GLIS3: variants seen among roughly 807,000 people sequenced by gnomAD.
The protein encoded by GLIS3 is GLIS family zinc finger 3.
In GLIS3, 53 loss-of-function variants were observed where a neutral mutation model predicts 78.6. The ratio of observed to expected loss-of-function variants is 0.67; its 90% CI spans 0.54 to 0.85. The LOEUF (loss-of-function observed/expected upper bound fraction) is 0.85, where lower values mean the gene tolerates loss of function less well. GLIS3 is among the 40% of genes least tolerant of loss of function. The pLI, the probability that GLIS3 is intolerant of heterozygous loss-of-function variation, is 0.00. For missense variants in GLIS3, 1,703 were observed against 1,231.1 expected, an observed-to-expected ratio of 1.38 and a Z score of -5.74; for synonymous variants, 684 against 509.9, an observed-to-expected ratio of 1.34 and a Z score of -4.60.
intron 4 of GLIS3, among the ~76,000 whole-genome samples, chr9:4,037,087 T>G (rs1588506485): frequency 6.6e-6 from 1 of 152,298 alleles, no homozygotes; most frequent in East Asian, 1.9e-4. Context: ...TGAGCACCAG[T>G]TTTCCCCATC....
At chr9:3,892,233 G>GAAGCAAGA in intron 7 of GLIS3, among the ~76,000 whole-genome samples, 1 of 152,004 alleles carries the variant, frequency 6.6e-6, no homozygotes, top group Non-Finnish European at 1.5e-5. Context: ...GAAATAGGGA[G>GAAGCAAGA]TTCTAGAAGC....
At chr9:4,230,388 G>T (rs566130473) in intron 2 of GLIS3, among the ~76,000 whole-genome samples, 2 of 152,298 alleles carry the variant, frequency 1.3e-5, no homozygotes, top group African/African-American at 4.8e-5. Context: ...TAGATGGGAA[G>T]GGAGTCTGGC....
At chr9:4,042,004 T>C (rs1382069825) in intron 4 of GLIS3, among the ~76,000 whole-genome samples, 1 of 152,208 alleles carries the variant, frequency 6.6e-6, no homozygotes, top group Non-Finnish European at 1.5e-5. Flanking sequence ...ATATACGCAG[T>C]GAGCTGAAAC....
chr9:3,868,483 G>C (rs1417737542), intron 8 of GLIS3, among the ~76,000 whole-genome samples: 1 of 152,118 alleles, frequency 6.6e-6, no homozygotes, highest in African/African-American at 2.4e-5. Context: ...TATTAAAAAG[G>C]AAAATAACAT....
intron 1 of GLIS3, among the ~76,000 whole-genome samples, chr9:4,296,067 G>A (rs1257558991): frequency 2.0e-5 from 3 of 152,014 alleles, no homozygotes; most frequent in African/African-American, 7.3e-5. Flanking sequence ...GCCCTCTACA[G>A]AAAATAATCA....
the GLIS3 span, among the ~76,000 whole-genome samples, chr9:4,431,797 T>C: frequency 7.0e-6 from 1 of 141,866 alleles, no homozygotes; most frequent in Admixed American, 7.7e-5. Context: ...CGAGCCTAGA[T>C]GGCACCATTG....
chr9:4,414,055 A>G, the GLIS3 span, among the ~76,000 whole-genome samples: 6 of 152,188 alleles, frequency 3.9e-5, no homozygotes, highest in African/African-American at 1.2e-4. Context: ...GGAAAACACT[A>G]AAGACTCATG....
rs111658781 is a variant in GLIS3 at position 4,200,544 on chromosome 9, C to G, written c.389-74603G>C. Among the ~76,000 whole-genome samples, 150 of 152,190 alleles carry G rather than the reference C, an allele frequency of 9.9e-4. 1 individual carries two copies. Among genetic ancestry groups the G allele is most frequent in the African/African-American group, 3.3e-3 (138 of 41,524 alleles). ...TTATGAACACCTCTATGCACACGAACTAGAAAGTCTGAAGGAAATAGATAA... is the reference window on the plus strand; with the variant it reads ...TTATGAACACCTCTATGCACACGAAGTAGAAAGTCTGAAGGAAATAGATAA... On this transcript the variant is annotated intron_variant, in intron 2 of 10. Coordinates refer to ENST00000381971, the MANE Select transcript of GLIS3 (RefSeq NM_001042413.2).
intron 2 of GLIS3, among the ~76,000 whole-genome samples, chr9:4,331,542 AG>A (rs1817685842): frequency 1.3e-5 from 2 of 152,230 alleles, no homozygotes; most frequent in Non-Finnish European, 1.5e-5. Context: ...CCGTTGAAGC[AG>A]AAGTTGCAGT....
intron 2 of GLIS3, among the ~76,000 whole-genome samples, chr9:4,257,448 A>G (rs947149444): frequency 2.0e-5 from 3 of 152,246 alleles, no homozygotes; most frequent in Non-Finnish European, 4.4e-5. Flanking sequence ...GCATATTGGT[A>G]ATTTGGCAAG....
At chr9:4,312,868 G>A (rs1176226850) in intron 2 of GLIS3, among the ~76,000 whole-genome samples, 1 of 152,278 alleles carries the variant, frequency 6.6e-6, no homozygotes, top group East Asian at 1.9e-4. Context: ...GCTTACTCAG[G>A]CCAGGCATGT....
intron 4 of GLIS3, among the ~76,000 whole-genome samples, chr9:3,993,983 C>T (rs1293222919): frequency 6.6e-5 from 10 of 152,178 alleles, no homozygotes; most frequent in African/African-American, 2.2e-4. Flanking sequence ...ACCTCTACTA[C>T]GCATCAGAGT....
intron 4 of GLIS3, among the ~76,000 whole-genome samples, chr9:3,940,633 A>C (rs1487522318): frequency 6.6e-6 from 1 of 152,220 alleles, no homozygotes; most frequent in African/African-American, 2.4e-5. Context: ...ACAGGAAAAC[A>C]AGAGAAACGT....
chr9:4,284,414 C>T (rs956357046), intron 2 of GLIS3, among the ~76,000 whole-genome samples: 1 of 152,166 alleles, frequency 6.6e-6, no homozygotes, highest in Non-Finnish European at 1.5e-5. Flanking sequence ...CGGGCCTCAA[C>T]CCCTGAAAAT....
intron 4 of GLIS3, among the ~76,000 whole-genome samples, chr9:4,059,293 G>A (rs944084335): frequency 6.6e-6 from 1 of 151,956 alleles, no homozygotes; most frequent in Non-Finnish European, 1.5e-5. Context: ...ACAGGAGGCT[G>A]CTTTTTAAGT....
chr9:4,427,825 C>T, the GLIS3 span, among the ~76,000 whole-genome samples: 1 of 151,466 alleles, frequency 6.6e-6, no homozygotes, highest in Non-Finnish European at 1.5e-5. Context: ...TGCCACTGCA[C>T]TCCAGCCTAG....
At chr9:4,283,137 G>T (rs1574285) in intron 2 of GLIS3, among the ~76,000 whole-genome samples, 83,082 of 151,832 alleles carry the variant, frequency 0.55, 22,848 homozygotes, top group Non-Finnish European at 0.58. Flanking sequence ...GCACTTTGCA[G>T]GATTGCAAAG....
the GLIS3 span, among the ~76,000 whole-genome samples, chr9:4,370,613 G>T: frequency 1.3e-5 from 2 of 151,968 alleles, no homozygotes; most frequent in Admixed American, 6.5e-5. Context: ...AACGGAAGCT[G>T]CATAATATCA....
chr9:3,847,860 A>G (rs1328351284), intron 9 of GLIS3, among the ~76,000 whole-genome samples: 1 of 152,238 alleles, frequency 6.6e-6, no homozygotes, highest in Non-Finnish European at 1.5e-5. Flanking sequence ...ACTTCTCCAA[A>G]TCTAATCATC....
Sources: allele counts gnomAD v4.1 joint callset (sites outside exome capture counted in the v4.1 genomes callset), GRCh38; gene constraint gnomAD v4.1.1; transcripts MANE v1.5; gene names NCBI Gene and HGNC (gene_info 2026-07-23, HGNC 2026-07-21).